NSUN6: variants seen among roughly 807,000 people sequenced by gnomAD.
NSUN6 encodes the protein NOP2/Sun RNA methyltransferase 6, also known as tRNA (cytosine(72)-C(5))-methyltransferase NSUN6.
In NSUN6, 64 loss-of-function variants were observed where a neutral mutation model predicts 58.0. That is an observed-to-expected ratio of 1.10 (90% confidence interval 0.90 to 1.36). The LOEUF (loss-of-function observed/expected upper bound fraction) is 1.36. NSUN6 is among the 40% of genes most tolerant of loss of function. NSUN6 has a pLI of 0.00. For synonymous variants in NSUN6, 231 were observed against 193.9 expected, an observed-to-expected ratio of 1.19 and a Z score of -1.59; for missense variants, 701 against 550.1, an observed-to-expected ratio of 1.27 and a Z score of -2.74.
At chr10:18,653,332 A>C, upstream of NSUN6, 1 of 982,750 alleles carries the variant, frequency 1.0e-6, no homozygotes, top group Non-Finnish European at 1.2e-6. Flanking sequence ...GCCAGAAATT[A>C]CTTCACTAGT....
intron 2 of NSUN6, among the ~76,000 whole-genome samples, chr10:18,643,945 G>A (rs993753729): frequency 1.1e-4 from 16 of 152,012 alleles, no homozygotes; most frequent in Admixed American, 3.9e-4. Context: ...CATAACACAC[G>A]TTTTTTTCCA....
At chr10:18,555,157 G>C (rs1002039951) in intron 8 of NSUN6, among the ~76,000 whole-genome samples, 1 of 149,076 alleles carries the variant, frequency 6.7e-6, no homozygotes, top group Non-Finnish European at 1.5e-5. Flanking sequence ...ATGGAATGGA[G>C]GATGGAATGG....
At chr10:18,559,286 G>C (rs536311071) in intron 8 of NSUN6, among the ~76,000 whole-genome samples, 1 of 151,106 alleles carries the variant, frequency 6.6e-6, no homozygotes, top group East Asian at 2.0e-4. Context: ...ATGTGGAATT[G>C]AATGGAATGG....
At chr10:18,601,208 G>T (rs957485928) in intron 6 of NSUN6, among the ~76,000 whole-genome samples, 1 of 151,666 alleles carries the variant, frequency 6.6e-6, no homozygotes, top group Non-Finnish European at 1.5e-5. Context: ...TTAAATCAAA[G>T]CTGGCATAGA....
upstream of NSUN6, chr10:18,652,675 T>C: frequency 1.5e-6 from 1 of 653,524 alleles, no homozygotes; most frequent in Non-Finnish European, 1.9e-6. Flanking sequence ...TTCTCCTGCC[T>C]TGGCCTCCCG....
intron 3 of NSUN6, among the ~76,000 whole-genome samples, chr10:18,635,042 C>T (rs759870601): frequency 3.9e-5 from 6 of 152,220 alleles, no homozygotes; most frequent in Admixed American, 2.0e-4. Flanking sequence ...CATGTTTATT[C>T]GGAACACCTG....
chr10:18,580,090 T>C (rs1217401287), intron 8 of NSUN6, among the ~76,000 whole-genome samples: 1 of 152,168 alleles, frequency 6.6e-6, no homozygotes, highest in Admixed American at 6.5e-5. Flanking sequence ...TAAATGAGAT[T>C]GACATGACTT....
At chr10:18,569,978 T>G (rs1468555491) in intron 8 of NSUN6, among the ~76,000 whole-genome samples, 1 of 151,238 alleles carries the variant, frequency 6.6e-6, no homozygotes, top group East Asian at 1.9e-4. Flanking sequence ...ACATTCCCCA[T>G]TCCATTCTCA....
chr10:18,628,859 C>A (rs375649529), intron 3 of NSUN6, among the ~76,000 whole-genome samples: 18 of 152,234 alleles, frequency 1.2e-4, no homozygotes, highest in South Asian at 6.2e-4. Context: ...AACTTCCCCA[C>A]TCTAGCAAGG....
intron 2 of NSUN6, among the ~76,000 whole-genome samples, chr10:18,646,504 T>C (rs1376027126): frequency 6.6e-6 from 1 of 151,646 alleles, no homozygotes; most frequent in African/African-American, 2.4e-5. Context: ...ATATCCAGAC[T>C]AGGATGCTAA....
At chr10:18,604,394 G>A (rs1265810923) in intron 6 of NSUN6, among the ~76,000 whole-genome samples, 1 of 152,152 alleles carries the variant, frequency 6.6e-6, no homozygotes, top group Non-Finnish European at 1.5e-5. Flanking sequence ...GTGAAGGGAT[G>A]CTCTTCAATT....
upstream of NSUN6, chr10:18,652,227 C>CT (rs1254997395): frequency 7.6e-5 from 75 of 981,886 alleles, no homozygotes; most frequent in Non-Finnish European, 8.3e-5. Flanking sequence ...ATTTTTTTTT[C>CT]TTTTTTTTCA....
At chr10:18,581,057 T>A (rs1589944960) in intron 8 of NSUN6, among the ~76,000 whole-genome samples, 2 of 152,300 alleles carry the variant, frequency 1.3e-5, no homozygotes, top group East Asian at 3.9e-4. Flanking sequence ...TATGCTGACA[T>A]ACTTCTGGGG....
intron 7 of NSUN6, among the ~76,000 whole-genome samples, chr10:18,594,471 C>T (rs368940161): frequency 4.6e-5 from 7 of 150,674 alleles, no homozygotes; most frequent in South Asian, 2.1e-4. Flanking sequence ...TTTTTTGAGA[C>T]GGAGTCTCAC....
intron 6 of NSUN6, among the ~76,000 whole-genome samples, chr10:18,596,927 T>G (rs963499299): frequency 6.6e-6 from 1 of 152,212 alleles, no homozygotes; most frequent in Non-Finnish European, 1.5e-5. Flanking sequence ...CTTTGCCATT[T>G]TGGCCGCCTC....
chr10:18,621,059 G>A (rs1206225108), intron 3 of NSUN6, among the ~76,000 whole-genome samples: 2 of 152,208 alleles, frequency 1.3e-5, no homozygotes, highest in Non-Finnish European at 2.9e-5. Flanking sequence ...ATTTCAGGAG[G>A]TTTACTTATT....
intron 8 of NSUN6, among the ~76,000 whole-genome samples, chr10:18,559,497 G>A (rs1247645402): frequency 6.6e-6 from 1 of 150,944 alleles, no homozygotes; most frequent in East Asian, 2.0e-4. Context: ...GGAATGGAAT[G>A]GAATGGAGAG....
intron 8 of NSUN6, among the ~76,000 whole-genome samples, chr10:18,569,355 A>T (rs1396559103): frequency 6.8e-6 from 1 of 147,388 alleles, no homozygotes; most frequent in Non-Finnish European, 1.5e-5. Context: ...TTTCCATTCC[A>T]TTGCATTCTC....
intron 2 of NSUN6, among the ~76,000 whole-genome samples, chr10:18,643,981 T>C (rs2059464570): frequency 6.6e-6 from 1 of 152,218 alleles, no homozygotes; most frequent in African/African-American, 2.4e-5. Flanking sequence ...CAGCTTCTTT[T>C]AATGTTGGTT....
Sources: gnomAD v4.1 joint callset for allele counts (sites outside exome capture counted in the v4.1 genomes callset) on GRCh38, gnomAD v4.1.1 for gene constraint, MANE v1.5 for transcripts, NCBI Gene and HGNC (gene_info 2026-07-23, HGNC 2026-07-21) for gene names.